REDIC1: variants seen among roughly 807,000 people sequenced by gnomAD.
REDIC1 encodes regulator of DNA class I crossover intermediates 1, also known as HEI10 Interacting Protein 1.
chr12:39,698,036 A>C, the REDIC1 span, among the ~76,000 whole-genome samples: 8 of 152,202 alleles, frequency 5.3e-5, no homozygotes, highest in African/African-American at 1.9e-4. Context: ...AAAGACACAA[A>C]TAGACAGAAA....
At chr12:39,715,009 T>C in the REDIC1 span, among the ~76,000 whole-genome samples, 1 of 152,028 alleles carries the variant, frequency 6.6e-6, no homozygotes, top group African/African-American at 2.4e-5. Context: ...TCCCACTTTG[T>C]GGGTTGTCTG....
chr12:39,810,730 TC>T, the REDIC1 span, among the ~76,000 whole-genome samples: 1 of 152,292 alleles, frequency 6.6e-6, no homozygotes, highest in East Asian at 1.9e-4. Context: ...ATTAAGATGA[TC>T]ATATGATTTT....
chr12:39,772,563 T>A, the REDIC1 span, among the ~76,000 whole-genome samples: 1 of 151,712 alleles, frequency 6.6e-6, no homozygotes, highest in African/African-American at 2.4e-5. Flanking sequence ...AGCAATGAAA[T>A]AGTCTTTTGA....
the REDIC1 span, among the ~76,000 whole-genome samples, chr12:39,906,459 C>T: frequency 6.6e-6 from 1 of 151,930 alleles, no homozygotes; most frequent in Non-Finnish European, 1.5e-5. Flanking sequence ...CAGTGTTATC[C>T]AGGGGAAAGT....
chr12:39,841,472 C>G, the REDIC1 span, among the ~76,000 whole-genome samples: 133 of 152,156 alleles, frequency 8.7e-4, no homozygotes, highest in African/African-American at 3.1e-3. Context: ...TTTTCTGTTA[C>G]ACTGAATGAA....
At chr12:39,883,942 C>T in the REDIC1 span, among the ~76,000 whole-genome samples, 3 of 152,070 alleles carry the variant, frequency 2.0e-5, no homozygotes, top group South Asian at 4.1e-4. Flanking sequence ...TCCATCAAAA[C>T]GTTTAGACAG....
chr12:39,773,868 G>A, the REDIC1 span, among the ~76,000 whole-genome samples: 1 of 152,190 alleles, frequency 6.6e-6, no homozygotes, highest in African/African-American at 2.4e-5. Flanking sequence ...GAAAAGGGGA[G>A]AGCTTACTAC....
chr12:39,650,646 C>T, the REDIC1 span, among the ~76,000 whole-genome samples: 3 of 152,114 alleles, frequency 2.0e-5, no homozygotes, highest in Non-Finnish European at 2.9e-5. This position sits in a 1 kb window ranked among gnomAD's most constrained non-coding sequence, Gnocchi z 4.3. Context: ...TATCTTAGCT[C>T]GCTGCAACCT....
the REDIC1 span, among the ~76,000 whole-genome samples, chr12:39,680,655 T>C: frequency 6.6e-6 from 1 of 152,152 alleles, no homozygotes; most frequent in African/African-American, 2.4e-5. Context: ...TCAGTCAGTA[T>C]ATGAAAAAGA....
the REDIC1 span, chr12:39,684,212 G>A: frequency 9.8e-7 from 1 of 1,018,590 alleles, no homozygotes; most frequent in Non-Finnish European, 1.2e-6. Context: ...TTTGAGAACT[G>A]CCTTCCAGGC....
At chr12:39,756,518 A>G in the REDIC1 span, 2 of 151,638 alleles carry the variant, frequency 1.3e-5, no homozygotes, top group South Asian at 2.1e-4. Flanking sequence ...TAACATTCCA[A>G]CTCTCTCCAC....
At chr12:39,672,108 G>A in the REDIC1 span, among the ~76,000 whole-genome samples, 1 of 152,142 alleles carries the variant, frequency 6.6e-6, no homozygotes, top group Non-Finnish European at 1.5e-5. Flanking sequence ...GTGGTGTGGG[G>A]CTGTTATTAA....
At chr12:39,863,488 T>C in the REDIC1 span, among the ~76,000 whole-genome samples, 10 of 152,162 alleles carry the variant, frequency 6.6e-5, no homozygotes, top group Non-Finnish European at 1.3e-4. Flanking sequence ...TGGAGAATAT[T>C]CTATGATTCT....
At chr12:39,806,790 A>T in the REDIC1 span, among the ~76,000 whole-genome samples, 3 of 152,236 alleles carry the variant, frequency 2.0e-5, no homozygotes, top group African/African-American at 7.2e-5. Flanking sequence ...AAGACAGTCG[A>T]AAATAAATTT....
chr12:39,805,231 C>A, the REDIC1 span, among the ~76,000 whole-genome samples: 1 of 152,154 alleles, frequency 6.6e-6, no homozygotes, highest in African/African-American at 2.4e-5. Context: ...ATGTGAGAAG[C>A]CACGGCAGAG....
chr12:39,710,072 T>C, the REDIC1 span, among the ~76,000 whole-genome samples: 2 of 151,814 alleles, frequency 1.3e-5, no homozygotes, highest in African/African-American at 4.8e-5. Context: ...AATGGTGAAT[T>C]TTACTAATGG....
At chr12:39,802,984 C>A in the REDIC1 span, among the ~76,000 whole-genome samples, 1 of 152,062 alleles carries the variant, frequency 6.6e-6, no homozygotes, top group African/African-American at 2.4e-5. Context: ...GAAAAGAGGC[C>A]TCACTAGAGG....
At chr12:39,878,363 C>T in the REDIC1 span, among the ~76,000 whole-genome samples, 108 of 152,198 alleles carry the variant, frequency 7.1e-4, no homozygotes, top group African/African-American at 2.1e-3. Context: ...TTTAAGAGAC[C>T]GACTAAATGG....
the REDIC1 span, among the ~76,000 whole-genome samples, chr12:39,659,096 T>C: frequency 6.6e-6 from 1 of 152,102 alleles, no homozygotes; most frequent in Non-Finnish European, 1.5e-5. Context: ...ATTAATGCTC[T>C]AATCTTTGTA....
Sources: allele counts gnomAD v4.1 joint callset (sites outside exome capture counted in the v4.1 genomes callset), GRCh38; gene constraint gnomAD v4.1.1; non-coding constraint Gnocchi (gnomAD v3.1); transcripts MANE v1.5; gene names NCBI Gene and HGNC (gene_info 2026-07-23, HGNC 2026-07-21).